Variants in CSMD3 observed in about 807,000 individuals in gnomAD.
CSMD3 encodes CUB and sushi domain-containing protein 3.
CSMD3 carries 177 observed loss-of-function variants against 435.2 expected under a neutral mutation model. That is an observed-to-expected ratio of 0.41 (90% CI 0.36 to 0.46). The LOEUF (loss-of-function observed/expected upper bound fraction) is 0.46, where lower values mean the gene tolerates loss of function less well. CSMD3 is among the 20% of genes least tolerant of loss of function. The probability of loss-of-function intolerance (pLI) is 0.34; values close to 1 mark genes in which losing one functional copy is unlikely to be tolerated. For synonymous variants in CSMD3, 1,656 were observed against 1,520.5 expected (o/e 1.09, Z -2.07); for missense variants, 4,265 against 4,504.6 (o/e 0.95, Z 1.52).
chr8:112,327,372 T>C (rs974623624), intron 45 of CSMD3, among the ~76,000 whole-genome samples: 1 of 152,144 alleles, frequency 6.6e-6, no homozygotes, highest in Non-Finnish European at 1.5e-5. Flanking sequence ...CCTAGACTCT[T>C]TAAGGGGTAG....
intron 27 of CSMD3, among the ~76,000 whole-genome samples, chr8:112,538,704 A>G (rs1826370017): frequency 6.6e-6 from 1 of 152,166 alleles, no homozygotes; most frequent in Non-Finnish European, 1.5e-5. Flanking sequence ...GGACACAAGA[A>G]AAATGGAAAG....
At chr8:113,063,799 A>G (rs1026334072) in intron 5 of CSMD3, among the ~76,000 whole-genome samples, 1 of 151,964 alleles carries the variant, frequency 6.6e-6, no homozygotes, top group African/African-American at 2.4e-5. Flanking sequence ...CAAAATAAAT[A>G]TCAGTAAATG....
At chr8:112,633,107 A>T (rs2074562353) in intron 22 of CSMD3, among the ~76,000 whole-genome samples, 1 of 152,024 alleles carries the variant, frequency 6.6e-6, no homozygotes, top group Admixed American at 6.6e-5. Context: ...CTAATAGTGT[A>T]ATAAAACTTT....
chr8:113,225,535 T>C (rs2093016806), intron 3 of CSMD3, among the ~76,000 whole-genome samples: 1 of 151,616 alleles, frequency 6.6e-6, no homozygotes, highest in Admixed American at 6.6e-5. Flanking sequence ...ATGTTCTTAC[T>C]TATAAGTGGG....
intron 17 of CSMD3, among the ~76,000 whole-genome samples, chr8:112,664,949 T>TA (rs1298259012): frequency 6.6e-6 from 1 of 152,166 alleles, no homozygotes; most frequent in Non-Finnish European, 1.5e-5. Context: ...AGAAAACTAA[T>TA]ATAGCCCTAG....
intron 4 of CSMD3, among the ~76,000 whole-genome samples, chr8:113,139,993 A>T (rs1487555806): frequency 6.6e-6 from 1 of 151,044 alleles, no homozygotes. Flanking sequence ...TGCAAATGCA[A>T]TATGCAAGCA....
chr8:113,111,402 T>G (rs2090635186), intron 4 of CSMD3, among the ~76,000 whole-genome samples: 1 of 152,146 alleles, frequency 6.6e-6, no homozygotes, highest in Non-Finnish European at 1.5e-5. Flanking sequence ...TACATTGTTA[T>G]TGCCTGTAGA....
intron 34 of CSMD3, among the ~76,000 whole-genome samples, chr8:112,407,563 C>G (rs77908220): frequency 2.0e-5 from 3 of 151,806 alleles, no homozygotes; most frequent in African/African-American, 7.3e-5. Context: ...AGTCGTAATA[C>G]CACACATTGT....
intron 1 of CSMD3, among the ~76,000 whole-genome samples, chr8:113,325,602 T>C (rs1463109263): frequency 6.6e-6 from 1 of 152,138 alleles, no homozygotes; most frequent in African/African-American, 2.4e-5. Context: ...TAATACAGCC[T>C]TACACTCAAG....
chr8:113,338,835 A>G (rs965458157), intron 1 of CSMD3, among the ~76,000 whole-genome samples: 6 of 151,980 alleles, frequency 3.9e-5, no homozygotes, highest in Admixed American at 3.9e-4. Context: ...TACTGAAACT[A>G]CTGAATTTGG....
intron 50 of CSMD3, among the ~76,000 whole-genome samples, chr8:112,307,781 C>A (rs1821588270): frequency 6.6e-6 from 1 of 152,066 alleles, no homozygotes; most frequent in Non-Finnish European, 1.5e-5. Flanking sequence ...ACGTTTCATA[C>A]AAAGAATTAC....
At chr8:113,299,269 TAAG>T (rs1414722682) in intron 2 of CSMD3, among the ~76,000 whole-genome samples, 1 of 152,204 alleles carries the variant, frequency 6.6e-6, no homozygotes, top group African/African-American at 2.4e-5. Context: ...AATTTGTAAA[TAAG>T]ATAGTGTTAA....
intron 3 of CSMD3, among the ~76,000 whole-genome samples, chr8:113,207,155 T>A (rs1290920573): frequency 6.6e-6 from 1 of 152,154 alleles, no homozygotes; most frequent in Non-Finnish European, 1.5e-5. Flanking sequence ...CTAAAAGAAT[T>A]CTTCTTATCT....
chr8:112,661,644 T>C (rs1245493197), intron 17 of CSMD3, among the ~76,000 whole-genome samples: 1 of 152,150 alleles, frequency 6.6e-6, no homozygotes, highest in Non-Finnish European at 1.5e-5. Context: ...TAATGCACTT[T>C]GTGTTCATAA....
chr8:113,091,054 TTGCTC>T (rs1214418458), intron 5 of CSMD3, among the ~76,000 whole-genome samples: 1 of 152,140 alleles, frequency 6.6e-6, no homozygotes, highest in African/African-American at 2.4e-5. Context: ...TTTTTATACT[TTGCTC>T]TTATCAAAAT....
At chr8:112,270,571 C>G (rs1817434073) in intron 59 of CSMD3, among the ~76,000 whole-genome samples, 2 of 152,118 alleles carry the variant, frequency 1.3e-5, no homozygotes, top group African/African-American at 4.8e-5. Flanking sequence ...CGACTGAACT[C>G]TGTCTTCTCA....
At chr8:112,371,319 A>G (rs1474356004) in intron 38 of CSMD3, among the ~76,000 whole-genome samples, 2 of 152,186 alleles carry the variant, frequency 1.3e-5, no homozygotes, top group Non-Finnish European at 2.9e-5. Flanking sequence ...CCCATACAGA[A>G]TACGACATCT....
At chr8:113,037,104 T>C (rs953315934) in intron 5 of CSMD3, among the ~76,000 whole-genome samples, 1 of 152,114 alleles carries the variant, frequency 6.6e-6, no homozygotes, top group Non-Finnish European at 1.5e-5. Context: ...AACAGATGTA[T>C]ATTGCAAATA....
chr8:112,396,609 C>A (rs1420207214), intron 35 of CSMD3, among the ~76,000 whole-genome samples: 1 of 152,070 alleles, frequency 6.6e-6, no homozygotes. Flanking sequence ...TTGTCAGACC[C>A]TCTACAAATA....
Sources: allele counts gnomAD v4.1 joint callset (sites outside exome capture counted in the v4.1 genomes callset), GRCh38; gene constraint gnomAD v4.1.1; transcripts MANE v1.5; gene names NCBI Gene and HGNC (gene_info 2026-07-23, HGNC 2026-07-21).